KAT14: variants seen among roughly 807,000 people sequenced by gnomAD.
The protein encoded by KAT14 is lysine acetyltransferase 14.
KAT14 carries 66 observed loss-of-function variants against 78.4 expected under a neutral mutation model. That is an observed-to-expected ratio of 0.84 (90% CI 0.69 to 1.03). KAT14 has a LOEUF of 1.03. KAT14 is among the 50% of genes least tolerant of loss of function. KAT14 has a pLI of 0.00. For synonymous variants in KAT14, 344 were observed against 359.4 expected (o/e 0.96, Z 0.48); for missense variants, 870 against 972.5 (o/e 0.89, Z 1.40).
chr20:18,181,146 A>C (rs186900824), intron 7 of KAT14, among the ~76,000 whole-genome samples: 1 of 152,284 alleles, frequency 6.6e-6, no homozygotes, highest in Admixed American at 6.5e-5. Flanking sequence ...TAATGAGTTA[A>C]AAAAAATTTT....
Position 18,138,012 on chromosome 20 carries a change from A to G in KAT14, c.-493A>G, listed in dbSNP as rs1394391781. ...TCTCGGTGCTGCTGACGGCGGCCAC[A>G]GTGGCCGGCGTACATGTGAAGCAGC... On this transcript the variant is annotated 5_prime_UTR_variant, in exon 1 of 11. Transcript: ENST00000688188. 3.3e-6 allele frequency: 5 copies of G among 1,501,676 alleles called. No homozygotes were observed. Among genetic ancestry groups the G allele is most frequent in the Admixed American group, 2.1e-5 (1 of 46,544 alleles). 93.0% of individuals were successfully genotyped at this position (1,501,676 alleles called of 1,614,324 possible). A position where few individuals can be genotyped will look rare whatever the true frequency, so the allele number is the denominator to read the frequency against.
intron 7 of KAT14, among the ~76,000 whole-genome samples, chr20:18,170,780 G>A (rs555236820): frequency 3.9e-5 from 6 of 152,088 alleles, no homozygotes; most frequent in Non-Finnish European, 7.4e-5. Flanking sequence ...CTCGTGGTCC[G>A]CCCGCCTCGG....
chr20:18,159,213 A>C lies in KAT14; in HGVS notation c.630A>C (p.Pro210=). 6.2e-7 allele frequency: 1 copy of C among 1,614,096 alleles called. No individual in the cohort carries two copies. The highest frequency in any genetic ancestry group is 1.6e-4 in the Middle Eastern group (1 of 6,062). The part of the protein sequence containing the change: ...GWWKLVHNKP[P]TMKPEGEKLS... ...GGAAACTTGTTCATAACAAGCCCCC[A>C]ACGATGAAACCTGAAGGAGAGAAGT... is the stretch of plus-strand genomic sequence containing the variant. Residue 210 remains proline (P), a synonymous_variant, in exon 5 of 11, where the codon CCA becomes CCC. Transcript: ENST00000688188.
Position 18,183,110 on chromosome 20 carries a change from T to C in KAT14, c.1806-13T>C. The stretch of plus-strand genomic sequence containing the variant: ...TCTTGACTTGAATTTGTTTATCTTC[T>C]GTGGTACCGGAGGCGTGATTATGAA... On this transcript the variant is annotated splice_polypyrimidine_tract_variant and intron_variant, in intron 8 of 10. Coordinates refer to ENST00000688188, the MANE Select transcript of KAT14 (RefSeq NM_001392073.1). 6.3e-7 allele frequency: 1 copy of C among 1,593,602 alleles called. No homozygotes were observed. The highest frequency in any genetic ancestry group is 1.7e-4 in the Middle Eastern group (1 of 5,960).
chr20:18,161,690 G>C, intron 5 of KAT14, 133 bp from the exon 6 acceptor site: 1 of 1,258,008 alleles, frequency 7.9e-7, no homozygotes, highest in Non-Finnish European at 1.1e-6. Context: ...TTGTATTTCT[G>C]GGTTTGGGAT....
rs769206483 is a variant in KAT14, at chr20:18,145,323, A to G, written c.350A>G (p.Tyr117Cys). 1 of 1,614,204 alleles carries G rather than the reference A, an allele frequency of 6.2e-7. No individual in the cohort carries two copies. Residue 117 changes from tyrosine to cysteine, a missense_variant, in exon 3 of 11, where the codon TAT (tyrosine) becomes TGT (cysteine). By Grantham distance (194) the Tyr-to-Cys change is radical. Transcript: ENST00000688188. ...SDCSADGKEQ[Y>C]ERLKLTWQQV... Reference sequence around the variant, plus strand: ...TGCTCAGCAGATGGCAAGGAGCAGTATGAAAGGCTGAAGCTGACATGGCAG... The same window carrying G: ...TGCTCAGCAGATGGCAAGGAGCAGTGTGAAAGGCTGAAGCTGACATGGCAG...
At chr20:18,166,172 A>T (rs1057507549) in intron 7 of KAT14, among the ~76,000 whole-genome samples, 3 of 152,242 alleles carry the variant, frequency 2.0e-5, no homozygotes, top group Non-Finnish European at 4.4e-5. Flanking sequence ...TGCAGATGGA[A>T]CAAAGGTGAG....
chr20:18,143,299 T>C (rs1246419374), intron 2 of KAT14: 1 of 501,342 alleles, frequency 2.0e-6, no homozygotes, highest in East Asian at 1.0e-4. Flanking sequence ...TTAACTTACG[T>C]GGAGAACTCC....
intron 1 of KAT14, among the ~76,000 whole-genome samples, chr20:18,141,666 T>C (rs1600213571): frequency 6.6e-6 from 1 of 152,290 alleles, no homozygotes; most frequent in East Asian, 1.9e-4. Flanking sequence ...GGTGGATTAC[T>C]TGAGATCAGG....
intron 10 of KAT14, among the ~76,000 whole-genome samples, chr20:18,185,411 G>T (rs2039420688): frequency 6.6e-6 from 1 of 152,022 alleles, no homozygotes. Context: ...TGTGTTGCCT[G>T]GTCTGTGCTT....
intron 7 of KAT14, among the ~76,000 whole-genome samples, chr20:18,176,476 G>C (rs560819804): frequency 6.6e-6 from 1 of 152,144 alleles, no homozygotes; most frequent in Admixed American, 6.5e-5. Flanking sequence ...GGACAGTGAT[G>C]TTACATCATG....
intron 3 of KAT14, among the ~76,000 whole-genome samples, chr20:18,148,899 C>A (rs2037933553): frequency 6.6e-6 from 1 of 152,132 alleles, no homozygotes; most frequent in African/African-American, 2.4e-5. Context: ...CGTGAGCCAC[C>A]ATGCCCGGCC....
chr20:18,137,913 C>T lies in KAT14; in HGVS notation c.-592C>T, dbSNP rs761048098. 9 of 1,459,906 alleles carry T rather than the reference C, an allele frequency of 6.2e-6. No homozygotes were observed. Among genetic ancestry groups the T allele is most frequent in the Non-Finnish European group, 8.1e-6 (9 of 1,113,108 alleles). 90.4% of individuals were successfully genotyped at this position (1,459,906 alleles called of 1,614,324 possible). A position where few individuals can be genotyped will look rare whatever the true frequency, so the allele number is the denominator to read the frequency against. The stretch of plus-strand genomic sequence containing the variant: ...GCGCACTCTGCGGCGGCCTCTGCGC[C>T]TCGGGCGGGCGGGAGAGAGAGGCCG... On this transcript the variant is annotated 5_prime_UTR_variant, in exon 1 of 11. Transcript: ENST00000688188.
At chr20:18,179,317 C>G (rs1462590067) in intron 7 of KAT14, among the ~76,000 whole-genome samples, 1 of 152,206 alleles carries the variant, frequency 6.6e-6, no homozygotes, top group Non-Finnish European at 1.5e-5. Flanking sequence ...AGTAGGGACT[C>G]TGTGTGGGGG....
rs572820497 is a variant in KAT14, at chr20:18,172,838, C to G, written c.1669-8872C>G. The stretch of plus-strand genomic sequence containing the variant: ...AAGATGATGTTCTGGGTAAGAGGAG[C>G]TGTGATAAGTAGGCTGTTGGAAATG... On this transcript the variant is annotated intron_variant, in intron 7 of 10. Transcript: ENST00000688188. Among the ~76,000 whole-genome samples, 9 of 152,210 alleles carry G rather than the reference C, an allele frequency of 5.9e-5. No individual in the cohort carries two copies. The East Asian group carries it at 1.7e-3, about 29-fold the overall frequency.
At chr20:18,138,638 A>G (rs893746789) in intron 1 of KAT14, 1 of 201,546 alleles carries the variant, frequency 5.0e-6, no homozygotes, top group Admixed American at 6.5e-5. Flanking sequence ...TCTCGTTTAA[A>G]TGAACAGTTT....
At chr20:18,176,329 G>T (rs565538686) in intron 7 of KAT14, among the ~76,000 whole-genome samples, 5 of 149,558 alleles carry the variant, frequency 3.3e-5, no homozygotes, top group African/African-American at 1.2e-4. Flanking sequence ...AGTGCCAAGC[G>T]CTATTCTAGC....
intron 7 of KAT14, among the ~76,000 whole-genome samples, chr20:18,176,534 G>A (rs1367901244): frequency 2.0e-5 from 3 of 152,120 alleles, no homozygotes; most frequent in Non-Finnish European, 4.4e-5. Context: ...TGCTCTATGG[G>A]GGTTCAGGAC....
chr20:18,166,226 G>T (rs576793449), intron 7 of KAT14, among the ~76,000 whole-genome samples: 1 of 152,290 alleles, frequency 6.6e-6, no homozygotes, highest in Admixed American at 6.5e-5. Flanking sequence ...TATCCCTTAC[G>T]CACTTGGGTC....
Sources: gnomAD v4.1 joint callset for allele counts (sites outside exome capture counted in the v4.1 genomes callset) on GRCh38, gnomAD v4.1.1 for gene constraint, MANE v1.5 for transcripts, NCBI Gene and HGNC (gene_info 2026-07-23, HGNC 2026-07-21) for gene names.